Variants in IL17RD observed in about 807,000 individuals in gnomAD.
IL17RD encodes interleukin-17 receptor D.
Under a neutral mutation model 80.5 loss-of-function variants are expected in IL17RD, and 52 were observed. That is an observed-to-expected ratio of 0.65 (90% CI 0.52 to 0.81). IL17RD has a LOEUF of 0.81. IL17RD is among the 40% of genes least tolerant of loss of function. The probability of loss-of-function intolerance (pLI) is 0.00; values close to 1 mark genes in which losing one functional copy is unlikely to be tolerated. For synonymous variants in IL17RD, 416 were observed against 391.8 expected, an observed-to-expected ratio of 1.06 and a Z score of -0.73; for missense variants, 1,024 against 955.1, an observed-to-expected ratio of 1.07 and a Z score of -0.95.
chr3:57,102,774 C>T (rs549847077), intron 9 of IL17RD, among the ~76,000 whole-genome samples, 185 bp from the exon 10 acceptor site: 22 of 152,296 alleles, frequency 1.4e-4, no homozygotes, highest in African/African-American at 5.3e-4. Context: ...TTGCAAAGAA[C>T]AATTCAACAG....
At chr3:57,135,021 T>C (rs1158269694) in intron 1 of IL17RD, among the ~76,000 whole-genome samples, 1 of 152,134 alleles carries the variant, frequency 6.6e-6, no homozygotes, top group Non-Finnish European at 1.5e-5. Context: ...TATGGAAGGA[T>C]GGCTTGAGCC....
intron 12 of IL17RD, among the ~76,000 whole-genome samples, chr3:57,097,128 C>T (rs1706696107): frequency 6.6e-6 from 1 of 151,924 alleles, no homozygotes; most frequent in South Asian, 2.1e-4. Flanking sequence ...TCCTAGAGAG[C>T]CCTCATACCT....
chr3:57,149,197 G>C (rs918867407), intron 1 of IL17RD, among the ~76,000 whole-genome samples: 1 of 151,906 alleles, frequency 6.6e-6, no homozygotes, highest in Non-Finnish European at 1.5e-5. Flanking sequence ...ATGGGAGGCT[G>C]AGGCAGGAGA....
At chr3:57,123,691 G>A (rs181714231) in intron 1 of IL17RD, among the ~76,000 whole-genome samples, 5 of 152,294 alleles carry the variant, frequency 3.3e-5, no homozygotes, top group East Asian at 1.9e-4. Context: ...CATCCACGCC[G>A]GGTCATGGAG....
rs1001433937 is a variant in IL17RD, at chr3:57,097,631, G to A, written c.2072C>T (p.Ser691Phe). The A allele has an allele frequency of 1.3e-6, 2 of 1,590,744 alleles. No homozygotes were observed. The highest frequency in any genetic ancestry group is 1.7e-6 in the Non-Finnish European group (2 of 1,169,170). Residue 691 changes from serine to phenylalanine, a missense_variant, in exon 12 of 13, where the codon TCC (serine) becomes TTC (phenylalanine). Physicochemically the swap from Ser to Phe is radical, Grantham distance 155. Transcript: ENST00000296318. ...AGAGGAGGACACGCTCTCCGTCAGG[G>A]AAGACGTTTCTGTCTGGTCCGTCGA... ...GLSTDQTETS[S>F]LTESVSSSSG...
In IL17RD at chr3:57,105,771, T is replaced by G. The variant is rs892035227; in HGVS notation, c.747+86A>C. 32 of 1,126,860 alleles carry G rather than the reference T, an allele frequency of 2.8e-5. No individual in the cohort carries two copies. In the African/African-American group the frequency reaches 3.4e-4, roughly 12 times the overall value. The allele number at this position is 1,126,860 out of a possible 1,614,324, so 69.8% of individuals were successfully genotyped here. A position where few individuals can be genotyped will look rare whatever the true frequency, so the allele number is the denominator to read the frequency against. On this transcript the variant is annotated intron_variant, in intron 7 of 12. Coordinates refer to ENST00000296318, the MANE Select transcript of IL17RD (RefSeq NM_017563.5). ...ACCACTGAGAGCCAACAAAGCCTAA[T>G]GCTCACATTGAGCAACCCAAATTCC... is the stretch of plus-strand genomic sequence containing the variant.
intron 7 of IL17RD, among the ~76,000 whole-genome samples, chr3:57,105,469 G>A (rs1414083250): frequency 5.7e-5 from 8 of 139,424 alleles, no homozygotes; most frequent in Non-Finnish European, 9.1e-5. Flanking sequence ...CCCAGGAGGC[G>A]GAGGCTGCAG....
Position 57,092,588 on chromosome 3 carries a change from C to CA in IL17RD, c.*3804dup, listed in dbSNP as rs35183663. The CA allele has an allele frequency of 3.7e-3, 539 of 146,344 alleles. No homozygotes were observed. The highest frequency in any genetic ancestry group is 9.9e-3 in the East Asian group (47 of 4,764). 9.1% of individuals were successfully genotyped at this position (146,344 alleles called of 1,614,324 possible). ...TGGGCAACAGAGCAAGACTCCATCT[C>CA]AAAAAAAAAAAAATGAAATTGTTCC... On this transcript the variant is annotated 3_prime_UTR_variant, in exon 13 of 13. Transcript: ENST00000296318.
In IL17RD at chr3:57,165,329, C is replaced by A. The variant is rs1314569116; in HGVS notation, c.-43G>T. 6.1e-6 allele frequency: 8 copies of A among 1,306,240 alleles called. No homozygotes were observed. The highest frequency in any genetic ancestry group is 3.3e-5 in the East Asian group (1 of 30,048). 80.9% of individuals were successfully genotyped at this position (1,306,240 alleles called of 1,614,324 possible). A position where few individuals can be genotyped will look rare whatever the true frequency, so the allele number is the denominator to read the frequency against. Reference sequence around the variant, plus strand: ...GCCAGGCCGTTCTCTGCGCCCCGGCCGCCCGCCGCTGGCCAGCCCCGAGTG... The same window carrying A: ...GCCAGGCCGTTCTCTGCGCCCCGGCAGCCCGCCGCTGGCCAGCCCCGAGTG... On this transcript the variant is annotated 5_prime_UTR_variant, in exon 1 of 13. Coordinates refer to ENST00000296318, the MANE Select transcript of IL17RD (RefSeq NM_017563.5).
At chr3:57,160,848 C>A (rs912890943) in intron 1 of IL17RD, among the ~76,000 whole-genome samples, 2 of 152,226 alleles carry the variant, frequency 1.3e-5, no homozygotes, top group Non-Finnish European at 2.9e-5. Flanking sequence ...CTCACTCTCA[C>A]TCTGATCCCA....
rs1445370074 is a variant in IL17RD, at chr3:57,094,726, G to C, written c.*1667C>G. On this transcript the variant is annotated 3_prime_UTR_variant, in exon 13 of 13. Coordinates refer to ENST00000296318, the MANE Select transcript of IL17RD (RefSeq NM_017563.5). ...ATGAAATGGCGGGGCAGTCATGTGT[G>C]GGTAGGAGCTCTGCACTCATTCCAG... 3 of 152,160 alleles carry C rather than the reference G, an allele frequency of 2.0e-5. No individual in the cohort carries two copies. The highest frequency in any genetic ancestry group is 2.9e-5 in the Non-Finnish European group (2 of 68,032). The allele number at this position is 152,160 out of a possible 1,614,324, so 9.4% of individuals were successfully genotyped here. A position where few individuals can be genotyped will look rare whatever the true frequency, so the allele number is the denominator to read the frequency against.
In IL17RD at chr3:57,152,388, T is replaced by C. The variant is rs572343238; in HGVS notation, c.126+12773A>G. Reference sequence around the variant, plus strand: ...AGAAAATGAAAAGCAAAGTTGAATCTCTGCGGACCATTCTCTGGATGCTGA... The same window carrying C: ...AGAAAATGAAAAGCAAAGTTGAATCCCTGCGGACCATTCTCTGGATGCTGA... On this transcript the variant is annotated intron_variant, in intron 1 of 12. Coordinates refer to ENST00000296318, the MANE Select transcript of IL17RD (RefSeq NM_017563.5). Among the ~76,000 whole-genome samples, 151 of 152,232 alleles carry C rather than the reference T, an allele frequency of 9.9e-4. 1 individual carries two copies. Among genetic ancestry groups the C allele is most frequent in the Non-Finnish European group, 1.9e-3 (127 of 68,036 alleles).
chr3:57,125,836 G>A (rs1258605935), intron 1 of IL17RD, among the ~76,000 whole-genome samples: 1 of 152,204 alleles, frequency 6.6e-6, no homozygotes, highest in Non-Finnish European at 1.5e-5. Flanking sequence ...ACAGAGTCGA[G>A]GAGGACAGCC....
In IL17RD at chr3:57,093,381, G is replaced by A. The variant is rs1253419133; in HGVS notation, c.*3012C>T. 2.0e-5 allele frequency: 3 copies of A among 152,088 alleles called. No individual in the cohort carries two copies. Among genetic ancestry groups the A allele is most frequent in the African/African-American group, 7.2e-5 (3 of 41,392 alleles). The allele number at this position is 152,088 out of a possible 1,614,324, so 9.4% of individuals were successfully genotyped here. On this transcript the variant is annotated 3_prime_UTR_variant, in exon 13 of 13. Coordinates refer to ENST00000296318, the MANE Select transcript of IL17RD (RefSeq NM_017563.5). Reference sequence around the variant, plus strand: ...AGTGTTGAAGTTGGGGGGCCAGAGAGTTTTCTTTCTTTTGGGAGAAGGGTG... The same window carrying A: ...AGTGTTGAAGTTGGGGGGCCAGAGAATTTTCTTTCTTTTGGGAGAAGGGTG...
intron 5 of IL17RD, 79 bp downstream of exon 5, chr3:57,109,458 G>A: frequency 6.5e-7 from 1 of 1,531,388 alleles, no homozygotes; most frequent in Non-Finnish European, 8.9e-7. Flanking sequence ...GCACGTTCTT[G>A]AACACATTTC....
At chr3:57,127,082 C>T (rs1444785880) in intron 1 of IL17RD, among the ~76,000 whole-genome samples, 2 of 149,674 alleles carry the variant, frequency 1.3e-5, no homozygotes, top group Non-Finnish European at 3.0e-5. Flanking sequence ...GCCTTGGCCT[C>T]CCAAAGTGCT....
intron 1 of IL17RD, among the ~76,000 whole-genome samples, chr3:57,156,253 GAT>G: frequency 6.6e-6 from 1 of 152,194 alleles, no homozygotes; most frequent in South Asian, 2.1e-4. Flanking sequence ...GGTCAGGTCT[GAT>G]ACTTCATTAT....
chr3:57,157,850 C>T (rs57286796), intron 1 of IL17RD, among the ~76,000 whole-genome samples: 17,093 of 152,200 alleles, frequency 0.11, 1,478 homozygotes, highest in East Asian at 0.36. Context: ...CTCCCACTCT[C>T]GAGTAAAACA....
chr3:57,133,394 C>T (rs893376031), intron 1 of IL17RD, among the ~76,000 whole-genome samples: 13 of 152,082 alleles, frequency 8.5e-5, no homozygotes, highest in Non-Finnish European at 1.5e-4. Context: ...ATGGAATTTC[C>T]ATTAAAGCAC....
Sources: gnomAD v4.1 joint callset for allele counts (sites outside exome capture counted in the v4.1 genomes callset) on GRCh38, gnomAD v4.1.1 for gene constraint, MANE v1.5 for transcripts, NCBI Gene and HGNC (gene_info 2026-07-23, HGNC 2026-07-21) for gene names.